NLRP1: variants seen among roughly 807,000 people sequenced by gnomAD.
The protein encoded by NLRP1 is NACHT, LRR and PYD domains-containing protein 1.
In NLRP1, 94 loss-of-function variants were observed where a neutral mutation model predicts 136.7. The observed-to-expected ratio is 0.69, with a 90% confidence interval of 0.58 to 0.82. The LOEUF is 0.82. Among genes scored for constraint, NLRP1 ranks in the 40% least tolerant of loss-of-function variants. The pLI, the probability that NLRP1 is intolerant of heterozygous loss-of-function variation, is 0.00. For synonymous variants in NLRP1, 690 were observed against 725.1 expected, an observed-to-expected ratio of 0.95 and a Z score of 0.78; for missense variants, 1,575 against 1,802.7, an observed-to-expected ratio of 0.87 and a Z score of 2.29.
chr17:5,571,373 C>T (rs890078181), intron 3 of NLRP1, among the ~76,000 whole-genome samples: 26 of 152,222 alleles, frequency 1.7e-4, no homozygotes, highest in African/African-American at 4.8e-4. Context: ...AGTCTCTGTC[C>T]CAAATCTGCT....
In NLRP1 at chr17:5,559,700, C is replaced by A. The variant is rs535536708; in HGVS notation, c.996G>T (p.Leu332=). The change falls in exon 4 of 17, where the codon CTG becomes CTT. Residue 332 remains leucine (L), a synonymous_variant. Coordinates refer to ENST00000572272, the MANE Select transcript of NLRP1 (RefSeq NM_033004.4). Reference sequence around the variant, plus strand: ...ACTTCCCAATTCCAGCAGCCCCCTGCAGTATGACTATGCGAGGTTCTTGGG... The same window carrying A: ...ACTTCCCAATTCCAGCAGCCCCCTGAAGTATGACTATGCGAGGTTCTTGGG... ...LDTQEPRIVI[L]QGAAGIGKST... The A allele has an allele frequency of 1.4e-5, 23 of 1,614,264 alleles. No individual in the cohort carries two copies. Among genetic ancestry groups the A allele is most frequent in the Non-Finnish European group, 1.9e-5 (23 of 1,180,048 alleles).
intron 3 of NLRP1, among the ~76,000 whole-genome samples, chr17:5,573,246 C>A (rs543924563): frequency 2.6e-5 from 4 of 152,308 alleles, no homozygotes; most frequent in Admixed American, 2.0e-4. Context: ...GATTGAACAG[C>A]AAGGCGGCAG....
Position 5,557,590 on chromosome 17 carries a change from G to T in NLRP1, c.2357+749C>A, listed in dbSNP as rs1405676831. Among the ~76,000 whole-genome samples the T allele has an allele frequency of 3.9e-5, 6 of 152,164 alleles. No individual in the cohort carries two copies. The South Asian group carries it at 6.2e-4, about 16-fold the overall frequency. ...TTTTAATCTGTGATCTGTAGGGCCT[G>T]GCATAGAATCAGTGCTTAATAAATA... On this transcript the variant is annotated intron_variant, in intron 4 of 16. Transcript: ENST00000572272.
chr17:5,578,959 T>C (rs1905285802), intron 3 of NLRP1, among the ~76,000 whole-genome samples: 1 of 152,090 alleles, frequency 6.6e-6, no homozygotes, highest in South Asian at 2.1e-4. Flanking sequence ...ATGTCCTTTG[T>C]AGGGAAATGG....
intron 3 of NLRP1, among the ~76,000 whole-genome samples, chr17:5,578,015 T>C (rs1278167484): frequency 6.6e-6 from 1 of 152,228 alleles, no homozygotes; most frequent in Non-Finnish European, 1.5e-5. Context: ...GGGGAAAGGA[T>C]TCCCTATTTA....
intron 3 of NLRP1, among the ~76,000 whole-genome samples, chr17:5,577,814 C>G (rs1013832464): frequency 6.6e-6 from 1 of 152,148 alleles, no homozygotes; most frequent in Non-Finnish European, 1.5e-5. Flanking sequence ...CAATCCTAAG[C>G]CAAAAGAACA....
chr17:5,539,386 C>T, intron 7 of NLRP1, 29 bp downstream of exon 7: 1 of 1,583,696 alleles, frequency 6.3e-7, no homozygotes, highest in Non-Finnish European at 8.6e-7. Context: ...CCTCTTCCCT[C>T]TGCCCAGAAG....
Position 5,558,432 on chromosome 17 carries a change from G to C in NLRP1, c.2264C>G (p.Thr755Ser). ...VETDMELLVC[T>S]FCIKFSRHVK... Reference sequence around the variant, plus strand: ...GTGGCGGCTGAATTTAATGCAGAAAGTGCACACTAAGAGCTCCATGTCTGT... The same window carrying C: ...GTGGCGGCTGAATTTAATGCAGAAACTGCACACTAAGAGCTCCATGTCTGT... The change falls in exon 4 of 17, where the codon ACT (threonine) becomes AGT (serine). Residue 755 changes from threonine to serine, a missense_variant. Physicochemically the swap from Thr to Ser is moderately conservative, Grantham distance 58. Coordinates refer to ENST00000572272, the MANE Select transcript of NLRP1 (RefSeq NM_033004.4). The C allele has an allele frequency of 6.2e-7, 1 of 1,613,838 alleles. No individual in the cohort carries two copies. The highest frequency in any genetic ancestry group is 1.1e-5 in the South Asian group (1 of 91,058).
chr17:5,558,976 G>C lies in NLRP1; in HGVS notation c.1720C>G (p.Leu574Val). The change falls in exon 4 of 17, where the codon CTG becomes GTG. Residue 574 changes from leucine (L) to valine (V), a missense_variant. Physicochemically the swap from Leu to Val is conservative, Grantham distance 32. Transcript: ENST00000572272. ...LGPQLRDLCS[L>V]AAEGIWQKKT... Reference sequence around the variant, plus strand: ...TTTTGCCAGATGCCCTCAGCAGCCAGAGAGCAGAGGTCTCTGAGCTGGGGT... The same window carrying C: ...TTTTGCCAGATGCCCTCAGCAGCCACAGAGCAGAGGTCTCTGAGCTGGGGT... The C allele has an allele frequency of 6.2e-7, 1 of 1,614,176 alleles. No homozygotes were observed. The highest frequency in any genetic ancestry group is 8.5e-7 in the Non-Finnish European group (1 of 1,180,020).
downstream of NLRP1, among the ~76,000 whole-genome samples, chr17:5,513,408 A>T (rs1980092): frequency 0.011 from 1,678 of 152,292 alleles, 131 homozygotes; most frequent in South Asian, 0.17. Context: ...TCTTCTTTAA[A>T]ACTGGGCTTA....
Position 5,523,451 on chromosome 17 carries a change from A to T in NLRP1, c.3521-1665T>A, listed in dbSNP as rs537990627. ...GCTCTGCCCTTGGTTTCTCTGAGTC[A>T]TTGGGTCACTATCTTCCCCCCCGCT... On this transcript the variant is annotated intron_variant, in intron 12 of 16. Coordinates refer to ENST00000572272, the MANE Select transcript of NLRP1 (RefSeq NM_033004.4). 2.2e-4 allele frequency among the ~76,000 whole-genome samples: 34 copies of T among 152,226 alleles called. 4 individuals carry two copies. Among genetic ancestry groups the T allele is most frequent in the African/African-American group, 7.7e-4 (32 of 41,538 alleles).
In NLRP1 at chr17:5,541,839, C is replaced by T; in HGVS notation, c.2699+18G>A. ...AGGCAGTTCCCTCCACCTCCCCCTG[C>T]CCACCAAGAACAATTACTGCAGTCG... is the stretch of plus-strand genomic sequence containing the variant. On this transcript the variant is annotated intron_variant, in intron 6 of 16. Transcript: ENST00000572272. The surrounding 1 kb of genome is among the most constrained non-coding windows in gnomAD (Gnocchi z 4.2). The T allele has an allele frequency of 6.2e-7, 1 of 1,612,810 alleles. No individual in the cohort carries two copies. The highest frequency in any genetic ancestry group is 1.1e-5 in the South Asian group (1 of 91,048).
At chr17:5,581,823 C>G (rs1216441039) in intron 3 of NLRP1, 36 bp downstream of exon 3, 2 of 1,569,242 alleles carry the variant, frequency 1.3e-6, no homozygotes, top group Admixed American at 1.7e-5. Context: ...GCCTCTCCCA[C>G]CTCACCACCC....
chr17:5,552,584 G>A (rs1323496069), intron 5 of NLRP1, among the ~76,000 whole-genome samples: 1 of 152,086 alleles, frequency 6.6e-6, no homozygotes, highest in African/African-American at 2.4e-5. Context: ...CCCATGAGTT[G>A]CTTTGGTCAG....
rs1567633115 is a variant in NLRP1 at position 5,520,956 on chromosome 17, C to CG, written c.3839dup (p.Leu1281AlafsTer62). 2 of 1,611,754 alleles carry CG rather than the reference C, an allele frequency of 1.2e-6. No homozygotes were observed. Among genetic ancestry groups the CG allele is most frequent in the Admixed American group, 3.3e-5 (2 of 59,716 alleles). ...GACAGCCCATATAAAGTGGGGTCAGCGGGGGTGGCTTGTGGATTCGCACAA... is the reference window on the plus strand; with the variant it reads ...GACAGCCCATATAAAGTGGGGTCAGCGGGGGGTGGCTTGTGGATTCGCACAA... On this transcript the variant is annotated frameshift_variant, in exon 14 of 17. Transcript: ENST00000572272. LOFTEE classifies it high-confidence loss of function.
intron 4 of NLRP1, among the ~76,000 whole-genome samples, 153 bp from the exon 5 acceptor site, chr17:5,553,709 G>C (rs1041747265): frequency 1.8e-4 from 18 of 98,190 alleles, no homozygotes; most frequent in Non-Finnish European, 3.3e-4. Context: ...CTCCCTGCCT[G>C]TCTGCCCGTC....
rs771846746 is a variant in NLRP1, at chr17:5,553,457, C to T, written c.2457G>A (p.Ser819=). The change falls in exon 5 of 17, where the codon TCG becomes TCA. Residue 819 remains serine, a synonymous_variant. Transcript: ENST00000572272. ...GACTCTTCACTGCAGAGTGGCTCAG[C>T]GAGTTTCCACTTAGGTCCAGCTCCT... ...NLKELDLSGN[S]LSHSAVKSLC... 21 of 1,614,024 alleles carry T rather than the reference C, an allele frequency of 1.3e-5. No individual in the cohort carries two copies. The highest frequency in any genetic ancestry group is 4.4e-5 in the South Asian group (4 of 91,086).
In NLRP1 at chr17:5,514,145, T is replaced by C. The variant is rs1325732673; in HGVS notation, c.*609A>G. 2.0e-5 allele frequency: 3 copies of C among 152,870 alleles called. No homozygotes were observed. Among genetic ancestry groups the C allele is most frequent in the Non-Finnish European group, 4.4e-5 (3 of 68,622 alleles). The allele number at this position is 152,870 out of a possible 1,614,324, so 9.5% of individuals were successfully genotyped here. ...GAGTAGGTAACTTCTTATTCCTTTATTTTCATTTTTTCTTTTTTGTATTTT... is the reference window on the plus strand; with the variant it reads ...GAGTAGGTAACTTCTTATTCCTTTACTTTCATTTTTTCTTTTTTGTATTTT... On this transcript the variant is annotated 3_prime_UTR_variant, in exon 17 of 17. Coordinates refer to ENST00000572272, the MANE Select transcript of NLRP1 (RefSeq NM_033004.4).
chr17:5,527,064 C>T (rs1909650197), intron 12 of NLRP1, among the ~76,000 whole-genome samples: 1 of 152,236 alleles, frequency 6.6e-6, no homozygotes, highest in Admixed American at 6.5e-5. Context: ...CTGGAAGGGG[C>T]CCTGCCCGGC....
Sources: allele counts gnomAD v4.1 joint callset (sites outside exome capture counted in the v4.1 genomes callset), GRCh38; gene constraint gnomAD v4.1.1; non-coding constraint Gnocchi (gnomAD v3.1); transcripts MANE v1.5; gene names NCBI Gene and HGNC (gene_info 2026-07-23, HGNC 2026-07-21).